The following NELFCD variants were observed in gnomAD, a reference collection of about 807,000 sequenced individuals.
The protein encoded by NELFCD is negative elongation factor C/D.
In NELFCD, 48 loss-of-function variants were observed where a neutral mutation model predicts 72.9. The observed-to-expected ratio is 0.66, with a 90% CI of 0.52 to 0.84. The LOEUF is 0.84. Ranked by LOEUF, NELFCD falls within the 40% of genes least tolerant of loss-of-function variation. The pLI is 0.00. For missense variants in NELFCD, 538 were observed against 723.8 expected, an observed-to-expected ratio of 0.74 and a Z score of 2.94; for synonymous variants, 297 against 280.6, an observed-to-expected ratio of 1.06 and a Z score of -0.59.
rs193192 is a variant in NELFCD at position 58,993,093 on chromosome 20, A to C, written c.1325A>C (p.His442Pro). 1.2e-6 allele frequency: 2 copies of C among 1,613,838 alleles called. No homozygotes were observed. Among genetic ancestry groups the C allele is most frequent in the Non-Finnish European group, 1.7e-6 (2 of 1,179,914 alleles). The change falls in exon 11 of 15, where the codon CAC becomes CCC. Residue 442 changes from histidine (H) to proline (P), a missense_variant. By Grantham distance (77) the His-to-Pro change is moderately conservative. This residue lies in a region of NELFCD where 355 missense variants were observed against 534.5 expected (regional missense o/e 0.66). Coordinates refer to ENST00000652272, the MANE Select transcript of NELFCD (RefSeq NM_198976.4). This position sits in a 1 kb window ranked among gnomAD's most constrained non-coding sequence, Gnocchi z 5.0. ...FQLQTDHTPV[H>P]LALLDEISTC... ...CTGCAGACTGACCATACCCCTGTCC[A>C]CCTGGCGTTGCTGGATGAGGTAAGA...
At chr20:58,981,835 GC>G (rs1368983456) in intron 1 of NELFCD, among the ~76,000 whole-genome samples, 1 of 152,234 alleles carries the variant, frequency 6.6e-6, no homozygotes, top group Non-Finnish European at 1.5e-5. Flanking sequence ...TCCTACATGT[GC>G]TTTACTGTTT....
At chr20:58,983,435 CTT>C (rs1280267450) in intron 1 of NELFCD, among the ~76,000 whole-genome samples, 38 of 128,898 alleles carry the variant, frequency 2.9e-4, no homozygotes, top group Admixed American at 4.9e-4. Context: ...CGCACCCGGC[CTT>C]TTTTTTTTTT....
intron 1 of NELFCD, among the ~76,000 whole-genome samples, chr20:58,981,920 G>C (rs945277116): frequency 6.6e-6 from 1 of 152,074 alleles, no homozygotes; most frequent in Non-Finnish European, 1.5e-5. Flanking sequence ...GGATTTTCGG[G>C]CCTTGACCTT....
chr20:58,981,718 C>T (rs1392092151), intron 1 of NELFCD, among the ~76,000 whole-genome samples: 2 of 151,900 alleles, frequency 1.3e-5, no homozygotes, highest in Non-Finnish European at 2.9e-5. Context: ...GGCGGGACAC[C>T]AACGCTAAGG....
intron 1 of NELFCD, among the ~76,000 whole-genome samples, chr20:58,983,824 G>C (rs2091753661): frequency 6.6e-6 from 1 of 152,144 alleles, no homozygotes; most frequent in Non-Finnish European, 1.5e-5. Flanking sequence ...TGAGTTATTT[G>C]CCCAAGTTTG....
chr20:58,991,153 A>G, intron 8 of NELFCD, 78 bp downstream of exon 8: 1 of 1,566,420 alleles, frequency 6.4e-7, no homozygotes, highest in Non-Finnish European at 8.7e-7. Flanking sequence ...GATTGTCTGA[A>G]GGCTGTGAAT....
intron 1 of NELFCD, 118 bp from the exon 2 acceptor site, chr20:58,985,975 C>G: frequency 1.4e-6 from 1 of 735,344 alleles, no homozygotes. Context: ...TCATGAAAGT[C>G]AAATGAAATA....
chr20:58,990,123 G>A (rs575681538), intron 7 of NELFCD, 135 bp downstream of exon 7: 26 of 1,234,356 alleles, frequency 2.1e-5, no homozygotes, highest in Non-Finnish European at 2.8e-5. Flanking sequence ...TTGGCTGGGC[G>A]TGGTGGCTCA....
In NELFCD at chr20:58,993,423, C is replaced by G; in HGVS notation, c.1345-26C>G. On this transcript the variant is annotated intron_variant, in intron 11 of 14. Transcript: ENST00000652272. This position sits in a 1 kb window ranked among gnomAD's most constrained non-coding sequence, Gnocchi z 5.0. ...TGCTGAGCGTGACCACACTGCTCAG[C>G]GAAGCTCCCTCTGGCCTGTTTGTAG... The G allele has an allele frequency of 1.2e-6, 2 of 1,608,054 alleles. No homozygotes were observed. The highest frequency in any genetic ancestry group is 1.7e-6 in the Non-Finnish European group (2 of 1,176,308).
rs777121881 is a variant in NELFCD at position 58,990,892 on chromosome 20, A to G, written c.789-18A>G. On this transcript the variant is annotated intron_variant, in intron 7 of 14. Coordinates refer to ENST00000652272, the MANE Select transcript of NELFCD (RefSeq NM_198976.4). ...AGCTGCCTTGTTAGTAACGGGGTCT[A>G]TGGTTTTTCTCATCAAGAGGTCATG... The G allele has an allele frequency of 5.6e-6, 9 of 1,604,800 alleles. No individual in the cohort carries two copies. Among genetic ancestry groups the G allele is most frequent in the East Asian group, 2.2e-5 (1 of 44,744 alleles).
chr20:58,989,765 T>C (rs765573828), intron 6 of NELFCD, 93 bp from the exon 7 acceptor site: 2 of 1,606,734 alleles, frequency 1.2e-6, no homozygotes, highest in Non-Finnish European at 8.5e-7. Flanking sequence ...GGATGCTCAC[T>C]CCCGGGCCCG....
chr20:58,992,179 T>C (rs1189695971), intron 10 of NELFCD, among the ~76,000 whole-genome samples, 159 bp downstream of exon 10: 1 of 152,222 alleles, frequency 6.6e-6, no homozygotes, highest in African/African-American at 2.4e-5. Flanking sequence ...TAAACAGCTT[T>C]AGCAGCATGA....
chr20:58,985,991 T>C, intron 1 of NELFCD, 102 bp from the exon 2 acceptor site: 1 of 800,382 alleles, frequency 1.2e-6, no homozygotes, highest in Non-Finnish European at 2.2e-6. Context: ...AAATAATGTG[T>C]GTAGAATACT....
Position 58,987,723 on chromosome 20 carries a change from AG to A in NELFCD, c.304del (p.Val102PhefsTer9), listed in dbSNP as rs2091782766. The part of the protein sequence containing the change: ...WLIQTGVEPV[Q>X]VQETVENHLK... Reference sequence around the variant, plus strand: ...TCTCTTTCAGGTGTTGAGCCAGTGCAGGTTCAGGAAACTGTGGAAAATCACT... The same window carrying A: ...TCTCTTTCAGGTGTTGAGCCAGTGCAGTTCAGGAAACTGTGGAAAATCACT... On this transcript the variant is annotated frameshift_variant, in exon 4 of 15. Transcript: ENST00000652272. LOFTEE classifies it high-confidence loss of function. 1.2e-6 allele frequency: 2 copies of A among 1,613,992 alleles called. No homozygotes were observed. The highest frequency in any genetic ancestry group is 1.7e-6 in the Non-Finnish European group (2 of 1,179,930).
At chr20:58,988,583 T>A (rs928913933) in intron 4 of NELFCD, among the ~76,000 whole-genome samples, 3 of 152,118 alleles carry the variant, frequency 2.0e-5, no homozygotes, top group African/African-American at 7.2e-5. Flanking sequence ...GGCCTCTTTC[T>A]CTTTTGCTAA....
At chr20:58,987,241 A>G (rs1272139129) in intron 3 of NELFCD, 2 of 260,290 alleles carry the variant, frequency 7.7e-6, no homozygotes, top group Middle Eastern at 1.2e-3. Context: ...CTTTTAGTTA[A>G]TATGATCAAA....
At chr20:58,989,062 A>C (rs189435215) in intron 5 of NELFCD, 41 bp downstream of exon 5, 1 of 1,451,246 alleles carries the variant, frequency 6.9e-7, no homozygotes, top group African/African-American at 1.4e-5. Flanking sequence ...GTGTTTATGA[A>C]TGTTTATTTT....
Position 58,989,643 on chromosome 20 carries a change from A to T in NELFCD, c.657+3A>T. 2 of 1,614,186 alleles carry T rather than the reference A, an allele frequency of 1.2e-6. No individual in the cohort carries two copies. The highest frequency in any genetic ancestry group is 1.7e-6 in the Non-Finnish European group (2 of 1,180,012). On this transcript the variant is annotated splice_donor_region_variant and intron_variant, in intron 6 of 14. Coordinates refer to ENST00000652272, the MANE Select transcript of NELFCD (RefSeq NM_198976.4). ...AAAAAAATCTCCCTGAGTTTGCCGT[A>T]AGTTCTTTCTTTATGAACCTCAGAT...
chr20:58,989,773 C>T, intron 6 of NELFCD, 85 bp from the exon 7 acceptor site: 2 of 1,607,252 alleles, frequency 1.2e-6, no homozygotes, highest in Non-Finnish European at 8.5e-7. Flanking sequence ...ACTCCCGGGC[C>T]CGAGCACGGT....
Sources: allele counts gnomAD v4.1 joint callset (sites outside exome capture counted in the v4.1 genomes callset), GRCh38; gene constraint gnomAD v4.1.1; regional missense constraint gnomAD v4.1.1; non-coding constraint Gnocchi (gnomAD v3.1); transcripts MANE v1.5; gene names NCBI Gene and HGNC (gene_info 2026-07-23, HGNC 2026-07-21).